Variants in GCG observed in about 807,000 individuals in gnomAD.
GCG encodes the protein pro-glucagon.
In GCG, 11 loss-of-function variants were observed where a neutral mutation model predicts 22.8. The ratio of observed to expected loss-of-function variants is 0.48; its 90% CI spans 0.30 to 0.80. GCG has a LOEUF of 0.80. Ranked by LOEUF, GCG falls within the 30% of genes least tolerant of loss-of-function variation. The pLI is 0.06. For missense variants in GCG, 222 were observed against 222.0 expected, an observed-to-expected ratio of 1.00 and a Z score of 0.00; for synonymous variants, 89 against 72.4, an observed-to-expected ratio of 1.23 and a Z score of -1.16.
intron 4 of GCG, 106 bp downstream of exon 4, chr2:162,145,434 C>T (rs1254099578): frequency 1.1e-6 from 1 of 915,444 alleles, no homozygotes; most frequent in African/African-American, 1.7e-5. Context: ...CCTTACTTTG[C>T]AAGACTACTA....
chr2:162,150,740 C>A (rs1032457752), intron 1 of GCG, among the ~76,000 whole-genome samples: 2 of 151,992 alleles, frequency 1.3e-5, no homozygotes, highest in African/African-American at 4.8e-5. Flanking sequence ...CTTGTAAAAG[C>A]TTTTAGTCTT....
In GCG at chr2:162,143,063, A is replaced by G; in HGVS notation, c.*301T>C. ...GGAATAATTTACATTTACAAATTAT[A>G]TCATAGAAAAATAATTTTATCGCTA... On this transcript the variant is annotated 3_prime_UTR_variant, in exon 6 of 6. Transcript: ENST00000418842. The G allele has an allele frequency of 4.0e-6, 1 of 251,186 alleles. No individual in the cohort carries two copies. Among genetic ancestry groups the G allele is most frequent in the Non-Finnish European group, 7.6e-6 (1 of 132,288 alleles). 15.6% of individuals were successfully genotyped at this position (251,186 alleles called of 1,614,324 possible). A position where few individuals can be genotyped will look rare whatever the true frequency, so the allele number is the denominator to read the frequency against.
chr2:162,150,428 A>C (rs1318933208), intron 1 of GCG, among the ~76,000 whole-genome samples: 1 of 152,150 alleles, frequency 6.6e-6, no homozygotes, highest in Non-Finnish European at 1.5e-5. Flanking sequence ...AGACACTGTA[A>C]TACCTGCAGC....
At position 162,152,169 on chromosome 2, in the gene GCG, G is replaced by A. The variant is rs1686856179; in HGVS notation, c.-21C>T. On this transcript the variant is annotated 5_prime_UTR_variant, in exon 1 of 6. Transcript: ENST00000418842. ...TATAATCATCTTACCTTCTGGTAGT[G>A]TGCTGTAGAACAGAGCAGGTGAAGA... The A allele has an allele frequency of 6.6e-6, 1 of 152,542 alleles. No homozygotes were observed. The highest frequency in any genetic ancestry group is 2.1e-4 in the South Asian group (1 of 4,824). 9.4% of individuals were successfully genotyped at this position (152,542 alleles called of 1,614,324 possible). A position where few individuals can be genotyped will look rare whatever the true frequency, so the allele number is the denominator to read the frequency against.
chr2:162,149,054 T>G, intron 2 of GCG, 33 bp downstream of exon 2: 38 of 1,261,430 alleles, frequency 3.0e-5, no homozygotes, highest in Non-Finnish European at 4.2e-5. Context: ...CCAACCATAT[T>G]GATATGTTAG....
intron 3 of GCG, among the ~76,000 whole-genome samples, chr2:162,145,972 C>A (rs1431612270): frequency 6.6e-6 from 1 of 152,146 alleles, no homozygotes; most frequent in African/African-American, 2.4e-5. Flanking sequence ...TTACCTTTGA[C>A]TTCAGTCTCA....
chr2:162,151,872 C>G (rs1686846767), intron 1 of GCG, among the ~76,000 whole-genome samples: 1 of 152,118 alleles, frequency 6.6e-6, no homozygotes. Context: ...AAATACAACT[C>G]TCATAACAGT....
chr2:162,146,140 A>C (rs1378161582), intron 3 of GCG, among the ~76,000 whole-genome samples: 6 of 152,176 alleles, frequency 3.9e-5, no homozygotes, highest in Admixed American at 3.9e-4. Flanking sequence ...GATTAAAGAA[A>C]ATGTGTGATC....
At chr2:162,144,379 A>C (rs1232288307) in intron 4 of GCG, 3 of 529,544 alleles carry the variant, frequency 5.7e-6, no homozygotes, top group Non-Finnish European at 1.0e-5. Flanking sequence ...ATCTAATACC[A>C]AGCCTGCATA....
At chr2:162,145,761 C>A in intron 3 of GCG, 84 bp from the exon 4 acceptor site, 1 of 1,164,652 alleles carries the variant, frequency 8.6e-7, no homozygotes, top group South Asian at 1.5e-5. Flanking sequence ...ACTTTGGGTT[C>A]AGGATTCTAT....
chr2:162,147,701 C>T, intron 2 of GCG, 187 bp from the exon 3 acceptor site: 6 of 698,810 alleles, frequency 8.6e-6, no homozygotes, highest in Non-Finnish European at 1.3e-5. Context: ...AGTATAGTTG[C>T]ATACGCTATT....
intron 1 of GCG, among the ~76,000 whole-genome samples, chr2:162,149,640 C>T (rs560012871): frequency 8.0e-4 from 122 of 152,268 alleles, no homozygotes; most frequent in Non-Finnish European, 1.5e-3. Flanking sequence ...CATTATACTG[C>T]ATTTCAACCA....
Position 162,149,327 on chromosome 2 carries a change from A to G in GCG, c.-9-140T>C, listed in dbSNP as rs543859604. The stretch of plus-strand genomic sequence containing the variant: ...TAGTGTTATCACTTTTATTCTGATT[A>G]TATTTTCAGCTTAATTTTAAATAGT... On this transcript the variant is annotated intron_variant, in intron 1 of 5. Coordinates refer to ENST00000418842, the MANE Select transcript of GCG (RefSeq NM_002054.5). The G allele has an allele frequency of 9.0e-6, 5 of 554,158 alleles. No individual in the cohort carries two copies. The African/African-American group carries it at 9.5e-5, about 10-fold the overall frequency. 34.3% of individuals were successfully genotyped at this position (554,158 alleles called of 1,614,324 possible).
Position 162,143,079 on chromosome 2 carries a change from T to G in GCG, c.*285A>C, listed in dbSNP as rs1686557978. The G allele has an allele frequency of 3.5e-6, 1 of 284,008 alleles. No homozygotes were observed. The highest frequency in any genetic ancestry group is 6.6e-6 in the Non-Finnish European group (1 of 152,028). The allele number at this position is 284,008 out of a possible 1,614,324, so 17.6% of individuals were successfully genotyped here. ...ACAAATTATATCATAGAAAAATAAT[T>G]TTATCGCTAAATGTAAACAGGTTGG... On this transcript the variant is annotated 3_prime_UTR_variant, in exon 6 of 6. Transcript: ENST00000418842.
In GCG at chr2:162,142,900, T is replaced by G. The variant is rs1686554396; in HGVS notation, c.*464A>C. The G allele has an allele frequency of 6.6e-6, 1 of 152,498 alleles. No homozygotes were observed. Among genetic ancestry groups the G allele is most frequent in the South Asian group, 2.1e-4 (1 of 4,840 alleles). 9.4% of individuals were successfully genotyped at this position (152,498 alleles called of 1,614,324 possible). ...TGGTAAAGAAGCTTGAAAATTTTAT[T>G]TAATTGTATCTTTGATACATTGAAA... On this transcript the variant is annotated 3_prime_UTR_variant, in exon 6 of 6. Transcript: ENST00000418842.
At position 162,147,400 on chromosome 2, in the gene GCG, C is replaced by G. The variant is rs772255194; in HGVS notation, c.207G>C (p.Arg69Ser). 1 of 1,613,284 alleles carries G rather than the reference C, an allele frequency of 6.2e-7. No individual in the cohort carries two copies. The highest frequency in any genetic ancestry group is 1.7e-4 in the Middle Eastern group (1 of 6,052). Residue 69 changes from arginine to serine, a missense_variant, in exon 3 of 6, where the codon AGG (arginine) becomes AGC (serine). Transcript: ENST00000418842. ...TSDYSKYLDS[R>S]RAQDFVQWLM... ...ACCACTGCACAAAATCTTGGGCACG[C>G]CTGGAGTCCAGATACTTGCTGTAGT...
In GCG at chr2:162,151,719, T is replaced by A. The variant is rs114598064; in HGVS notation, c.-10+439A>T. On this transcript the variant is annotated intron_variant, in intron 1 of 5. Transcript: ENST00000418842. ...TCTTTTGGAAAACCAGAGATTTTAATTGGTAAAAAGCAATTTCTGTTATAG... is the reference window on the plus strand; with the variant it reads ...TCTTTTGGAAAACCAGAGATTTTAAATGGTAAAAAGCAATTTCTGTTATAG... Among the ~76,000 whole-genome samples the A allele has an allele frequency of 8.9e-4, 136 of 152,300 alleles. 1 individual carries two copies. The highest frequency in any genetic ancestry group is 3.2e-3 in the African/African-American group (132 of 41,582).
intron 1 of GCG, among the ~76,000 whole-genome samples, chr2:162,151,439 TA>T (rs1271818147): frequency 1.3e-5 from 2 of 152,140 alleles, no homozygotes. Flanking sequence ...GAGCCTAATC[TA>T]AAAAGACAAA....
intron 2 of GCG, 124 bp from the exon 3 acceptor site, chr2:162,147,638 A>G (rs759093589): frequency 1.2e-6 from 1 of 855,432 alleles, no homozygotes; most frequent in Admixed American, 1.7e-5. Flanking sequence ...GAGTATTTCA[A>G]TAGGTAGTTT....
Sources: gnomAD v4.1 joint callset for allele counts (sites outside exome capture counted in the v4.1 genomes callset) on GRCh38, gnomAD v4.1.1 for gene constraint, MANE v1.5 for transcripts, NCBI Gene and HGNC (gene_info 2026-07-23, HGNC 2026-07-21) for gene names.